CRTC1: variants seen among roughly 807,000 people sequenced by gnomAD.
The protein encoded by CRTC1 is CREB-regulated transcription coactivator 1.
CRTC1 carries 18 observed loss-of-function variants against 66.1 expected under a neutral mutation model. The ratio of observed to expected loss-of-function variants is 0.27; its 90% CI spans 0.19 to 0.40. CRTC1 has a LOEUF of 0.40. CRTC1 is among the 10% of genes least tolerant of loss of function. CRTC1 has a pLI of 1.00. For missense variants in CRTC1, 669 were observed against 887.9 expected (o/e 0.75, Z 3.13); for synonymous variants, 416 against 398.8 (o/e 1.04, Z -0.51).
intron 1 of CRTC1, among the ~76,000 whole-genome samples, chr19:18,713,908 G>A (rs893871648): frequency 4.6e-5 from 7 of 152,166 alleles, no homozygotes; most frequent in South Asian, 2.1e-4. Context: ...CTGGCAGCCC[G>A]CTCCCCAGCC....
chr19:18,771,337 G>A lies in CRTC1; in HGVS notation c.1321-105G>A, dbSNP rs963431019. 1.3e-5 allele frequency: 12 copies of A among 907,554 alleles called. No homozygotes were observed. The highest frequency in any genetic ancestry group is 1.8e-5 in the Non-Finnish European group (11 of 600,876). The allele number at this position is 907,554 out of a possible 1,614,324, so 56.2% of individuals were successfully genotyped here. A position where few individuals can be genotyped will look rare whatever the true frequency, so the allele number is the denominator to read the frequency against. On this transcript the variant is annotated intron_variant, in intron 10 of 13. Transcript: ENST00000321949. This position sits in a 1 kb window ranked among gnomAD's most constrained non-coding sequence, Gnocchi z 4.6. The stretch of plus-strand genomic sequence containing the variant: ...CGACCATCACCAAGGTGTGAGGGGC[G>A]GGGGGACCTGCCTGGGGGCTGATCA...
intron 6 of CRTC1, among the ~76,000 whole-genome samples, 192 bp downstream of exon 6, chr19:18,753,777 C>T (rs1178007849): frequency 1.3e-5 from 2 of 152,078 alleles, no homozygotes; most frequent in Non-Finnish European, 2.9e-5. Flanking sequence ...TAACAGCAGG[C>T]CTTATCCAAC....
chr19:18,721,718 C>T (rs564180946), intron 1 of CRTC1, among the ~76,000 whole-genome samples: 12 of 152,146 alleles, frequency 7.9e-5, no homozygotes, highest in Non-Finnish European at 1.2e-4. Context: ...TGGTTTCAAA[C>T]TCCTGAGCTC....
chr19:18,709,549 G>A (rs955349328), intron 1 of CRTC1, among the ~76,000 whole-genome samples: 1 of 152,170 alleles, frequency 6.6e-6, no homozygotes, highest in Non-Finnish European at 1.5e-5. Context: ...GGAGCAGAGA[G>A]GGCATCTGAG....
At position 18,741,471 on chromosome 19, in the gene CRTC1, G is replaced by A. The variant is rs1356579196; in HGVS notation, c.127-1439G>A. Among the ~76,000 whole-genome samples, 1 of 152,222 alleles carries A rather than the reference G, an allele frequency of 6.6e-6. No individual in the cohort carries two copies. Among genetic ancestry groups the A allele is most frequent in the South Asian group, 2.1e-4 (1 of 4,836 alleles). ...TCAGTGAGAGGTGAATGTAGCACAG[G>A]TTTCTGTCATGCTACTTGGACACAG... On this transcript the variant is annotated intron_variant, in intron 1 of 13. Transcript: ENST00000321949. This position sits in a 1 kb window ranked among gnomAD's most constrained non-coding sequence, Gnocchi z 4.2.
At position 18,768,417 on chromosome 19, in the gene CRTC1, T is replaced by TGGGGGCCCGA; in HGVS notation, c.1012-60_1012-51dup. On this transcript the variant is annotated intron_variant, in intron 9 of 13. Coordinates refer to ENST00000321949, the MANE Select transcript of CRTC1 (RefSeq NM_015321.3). The surrounding 1 kb of genome is among the most constrained non-coding windows in gnomAD (Gnocchi z 5.6). Reference sequence around the variant, plus strand: ...CTCGCCTGCTGAGCATGCCAGGCTATGGGGGCCCGAGGGGGCCAGGCGCTG... The same window carrying TGGGGGCCCGA: ...CTCGCCTGCTGAGCATGCCAGGCTATGGGGGCCCGAGGGGGCCCGAGGGGGCCAGGCGCTG... The TGGGGGCCCGA allele has an allele frequency of 7.3e-7, 1 of 1,376,058 alleles. No homozygotes were observed. Among genetic ancestry groups the TGGGGGCCCGA allele is most frequent in the Admixed American group, 1.8e-5 (1 of 54,364 alleles). The allele number at this position is 1,376,058 out of a possible 1,614,324, so 85.2% of individuals were successfully genotyped here.
At position 18,760,329 on chromosome 19, in the gene CRTC1, G is replaced by A. The variant is rs1460127478; in HGVS notation, c.886+101G>A. 3.9e-6 allele frequency: 4 copies of A among 1,023,704 alleles called. No homozygotes were observed. Among genetic ancestry groups the A allele is most frequent in the Non-Finnish European group, 5.7e-6 (4 of 695,944 alleles). 63.4% of individuals were successfully genotyped at this position (1,023,704 alleles called of 1,614,324 possible). A position where few individuals can be genotyped will look rare whatever the true frequency, so the allele number is the denominator to read the frequency against. Reference sequence around the variant, plus strand: ...GCAGAGTCCCGTTCCAAATACTAGGGCATGGGGGACAGGGCTGGGGGGCGG... The same window carrying A: ...GCAGAGTCCCGTTCCAAATACTAGGACATGGGGGACAGGGCTGGGGGGCGG... On this transcript the variant is annotated intron_variant, in intron 8 of 13. Coordinates refer to ENST00000321949, the MANE Select transcript of CRTC1 (RefSeq NM_015321.3). This position sits in a 1 kb window ranked among gnomAD's most constrained non-coding sequence, Gnocchi z 6.2.
At chr19:18,727,595 A>AAAAAAAAAAAAAAAG (rs1427991486) in intron 1 of CRTC1, among the ~76,000 whole-genome samples, 3 of 149,774 alleles carry the variant, frequency 2.0e-5, no homozygotes, top group East Asian at 2.0e-4. Flanking sequence ...AAAAAAAAAA[A>AAAAAAAAAAAAAAAG]AAGAAGAAGA....
At chr19:18,753,232 T>C (rs1453752826) in intron 5 of CRTC1, among the ~76,000 whole-genome samples, 3 of 151,914 alleles carry the variant, frequency 2.0e-5, no homozygotes, top group African/African-American at 4.8e-5. Context: ...GCTGAGATTG[T>C]GCCACTGCAC....
At chr19:18,740,757 A>G (rs1192355452) in intron 1 of CRTC1, among the ~76,000 whole-genome samples, 1 of 151,984 alleles carries the variant, frequency 6.6e-6, no homozygotes, top group Non-Finnish European at 1.5e-5. Flanking sequence ...TAATCCCAAC[A>G]CTTTGGGAGG....
intron 2 of CRTC1, among the ~76,000 whole-genome samples, chr19:18,743,429 G>A (rs541610950): frequency 3.9e-5 from 6 of 152,236 alleles, no homozygotes; most frequent in East Asian, 1.9e-4. Context: ...CTTGGCAGAG[G>A]CCCACACAGC....
chr19:18,765,458 T>C lies in CRTC1; in HGVS notation c.941T>C (p.Leu314Pro). The change falls in exon 9 of 14, where the codon CTG (leucine) becomes CCG (proline). Residue 314 changes from leucine (L) to proline (P), a missense_variant. Physicochemically the swap from Leu to Pro is moderately conservative, Grantham distance 98 (BLOSUM62 -3). Coordinates refer to ENST00000321949, the MANE Select transcript of CRTC1 (RefSeq NM_015321.3). The part of the protein sequence containing the change: ...PQHRPAGVSP[L>P]SLSTEARRQQ... ...CACCGCCCAGCTGGCGTCAGCCCCC[T>C]GTCCCTGAGCACAGAGGCAAGGCGT... 3 of 1,612,588 alleles carry C rather than the reference T, an allele frequency of 1.9e-6. No individual in the cohort carries two copies. The highest frequency in any genetic ancestry group is 8.5e-7 in the Non-Finnish European group (1 of 1,179,822).
At chr19:18,766,948 G>A (rs1285693274) in intron 9 of CRTC1, among the ~76,000 whole-genome samples, 1 of 152,080 alleles carries the variant, frequency 6.6e-6, no homozygotes, top group African/African-American at 2.4e-5. Context: ...GGGTGTAATG[G>A]TAAATTCCTG....
intron 1 of CRTC1, among the ~76,000 whole-genome samples, chr19:18,723,220 C>T (rs1364431217): frequency 6.6e-6 from 1 of 152,202 alleles, no homozygotes; most frequent in African/African-American, 2.4e-5. Flanking sequence ...GGATTACAGG[C>T]CTGAGCCACT....
intron 1 of CRTC1, among the ~76,000 whole-genome samples, chr19:18,733,331 G>T (rs368486759): frequency 2.6e-5 from 4 of 152,190 alleles, no homozygotes; most frequent in African/African-American, 9.6e-5. Context: ...AGCTGTGTGC[G>T]CTCAGCCCCC....
At position 18,766,705 on chromosome 19, in the gene CRTC1, C is replaced by T. The variant is rs1267024734; in HGVS notation, c.1011+1177C>T. Reference sequence around the variant, plus strand: ...CAGGCAATCTGCCCACCTCGGCCTCCCAAAGTGCTGGGACTATAGGCGTGA... The same window carrying T: ...CAGGCAATCTGCCCACCTCGGCCTCTCAAAGTGCTGGGACTATAGGCGTGA... On this transcript the variant is annotated intron_variant, in intron 9 of 13. Coordinates refer to ENST00000321949, the MANE Select transcript of CRTC1 (RefSeq NM_015321.3). Among the ~76,000 whole-genome samples, 6 of 152,326 alleles carry T rather than the reference C, an allele frequency of 3.9e-5. No homozygotes were observed. In the East Asian group the frequency reaches 9.6e-4, roughly 24 times the overall value.
At chr19:18,764,423 G>A (rs560285091) in intron 8 of CRTC1, among the ~76,000 whole-genome samples, 136 of 152,368 alleles carry the variant, frequency 8.9e-4, no homozygotes, top group African/African-American at 3.2e-3. Context: ...GCTCGCAGGG[G>A]TCCTCCTGCC....
chr19:18,698,655 A>G (rs1225271321), intron 1 of CRTC1, among the ~76,000 whole-genome samples: 1 of 149,634 alleles, frequency 6.7e-6, no homozygotes, highest in Admixed American at 6.6e-5. Flanking sequence ...CGCAGTGTGT[A>G]CTCATCAGGT....
intron 4 of CRTC1, among the ~76,000 whole-genome samples, chr19:18,748,732 TACAC>T (rs1262044475): frequency 6.7e-5 from 10 of 149,316 alleles, no homozygotes; most frequent in Admixed American, 1.3e-4. Context: ...TATACATACA[TACAC>T]ACGCACACAC....
Sources: allele counts gnomAD v4.1 joint callset (sites outside exome capture counted in the v4.1 genomes callset), GRCh38; gene constraint gnomAD v4.1.1; non-coding constraint Gnocchi (gnomAD v3.1); transcripts MANE v1.5; gene names NCBI Gene and HGNC (gene_info 2026-07-23, HGNC 2026-07-21).